The following COBL variants were observed in gnomAD, a reference collection of about 807,000 sequenced individuals.
COBL encodes protein cordon-bleu.
In COBL, 51 loss-of-function variants were observed where a neutral mutation model predicts 98.8. The observed-to-expected ratio is 0.52, with a 90% CI of 0.41 to 0.65. The LOEUF (loss-of-function observed/expected upper bound fraction) is 0.65, where lower values mean the gene tolerates loss of function less well. Among genes scored for constraint, COBL ranks in the 30% least tolerant of loss-of-function variants. The probability of loss-of-function intolerance (pLI) is 0.00; values close to 1 mark genes in which losing one functional copy is unlikely to be tolerated. For missense variants in COBL, 1,617 were observed against 1,617.5 expected (o/e 1.00, Z 0.01); for synonymous variants, 634 against 651.7 (o/e 0.97, Z 0.41).
At chr7:51,059,999 G>A (rs1791165156) in intron 7 of COBL, among the ~76,000 whole-genome samples, 1 of 152,106 alleles carries the variant, frequency 6.6e-6, no homozygotes, top group Non-Finnish European at 1.5e-5. Context: ...ACCCTCCACA[G>A]GCCCTCCCTT....
intron 6 of COBL, among the ~76,000 whole-genome samples, chr7:51,132,715 A>T (rs1279605574): frequency 6.6e-6 from 1 of 152,210 alleles, no homozygotes; most frequent in Non-Finnish European, 1.5e-5. Context: ...CTGTACGGGA[A>T]GCAGATGCCA....
chr7:51,302,282 T>C (rs1802049231), intron 1 of COBL, among the ~76,000 whole-genome samples: 1 of 152,206 alleles, frequency 6.6e-6, no homozygotes, highest in South Asian at 2.1e-4. Context: ...ATTTTTTTCC[T>C]AAAGATTCAC....
chr7:51,237,159 C>G (rs1280258377), intron 1 of COBL, among the ~76,000 whole-genome samples: 4 of 152,210 alleles, frequency 2.6e-5, no homozygotes, highest in Non-Finnish European at 5.9e-5. Flanking sequence ...AATGGTACCC[C>G]TCCCCAGACT....
chr7:51,042,956 T>G (rs1789348439), intron 8 of COBL, among the ~76,000 whole-genome samples: 1 of 152,242 alleles, frequency 6.6e-6, no homozygotes, highest in Non-Finnish European at 1.5e-5. Flanking sequence ...GTCTCTTTCC[T>G]GTCACTTTCC....
At chr7:51,096,219 G>A (rs975202335) in intron 6 of COBL, among the ~76,000 whole-genome samples, 1 of 152,114 alleles carries the variant, frequency 6.6e-6, no homozygotes, top group Non-Finnish European at 1.5e-5. Flanking sequence ...AAAACGAAAA[G>A]TGAAAAAGTC....
intron 7 of COBL, among the ~76,000 whole-genome samples, chr7:51,067,513 G>A (rs113893323): frequency 1.6e-4 from 25 of 152,042 alleles, no homozygotes; most frequent in Non-Finnish European, 2.6e-4. Context: ...ATGCACCATG[G>A]GTGCACATGC....
At position 51,073,271 on chromosome 7, in the gene COBL, A is replaced by C. The variant is rs552652886; in HGVS notation, c.1096+11895T>G. 4.3e-5 allele frequency: 27 copies of C among 623,380 alleles called. No individual in the cohort carries two copies. The East Asian group carries it at 7.3e-4, about 17-fold the overall frequency. The allele number at this position is 623,380 out of a possible 1,614,324, so 38.6% of individuals were successfully genotyped here. ...CCCTTTTATCCTGAAAGGAGGAAGA[A>C]CAACAGGAAAATCAGAGCCAGGGCA... is the stretch of plus-strand genomic sequence containing the variant. On this transcript the variant is annotated intron_variant, in intron 7 of 12. Coordinates refer to ENST00000265136, the MANE Select transcript of COBL (RefSeq NM_015198.5).
At chr7:51,167,020 A>T (rs1452324070) in intron 5 of COBL, among the ~76,000 whole-genome samples, 1 of 152,172 alleles carries the variant, frequency 6.6e-6, no homozygotes, top group African/African-American at 2.4e-5. Flanking sequence ...AAAAACTGAA[A>T]GCCTTTCCCC....
In COBL at chr7:51,186,373, A is replaced by C. The variant is rs146727967; in HGVS notation, c.686-2174T>G. Among the ~76,000 whole-genome samples the C allele has an allele frequency of 3.3e-4, 50 of 152,298 alleles. 1 individual carries two copies. The highest frequency in any genetic ancestry group is 1.6e-4 in the Non-Finnish European group (11 of 68,022). ...TAAAGTTGAAAAATCTTAAGTTGAG[A>C]AATTGTCTATGTTGAAACAGATGAC... On this transcript the variant is annotated intron_variant, in intron 4 of 12. Coordinates refer to ENST00000265136, the MANE Select transcript of COBL (RefSeq NM_015198.5).
At chr7:51,283,763 T>A (rs1481655810) in intron 1 of COBL, among the ~76,000 whole-genome samples, 2 of 152,206 alleles carry the variant, frequency 1.3e-5, no homozygotes, top group East Asian at 3.9e-4. Flanking sequence ...GGGATTATAG[T>A]TGTGAGCCAC....
chr7:51,105,404 T>A (rs1796170022), intron 6 of COBL, among the ~76,000 whole-genome samples: 1 of 152,300 alleles, frequency 6.6e-6, no homozygotes, highest in African/African-American at 2.4e-5. Flanking sequence ...CTTGGTTCCC[T>A]CATTTTAAAT....
At chr7:51,221,464 A>G (rs1417921266) in intron 1 of COBL, among the ~76,000 whole-genome samples, 1 of 152,246 alleles carries the variant, frequency 6.6e-6, no homozygotes, top group Non-Finnish European at 1.5e-5. Flanking sequence ...TCATGCATCA[A>G]TGAAAGACAA....
At position 51,043,438 on chromosome 7, in the gene COBL, C is replaced by A. The variant is rs1388914396; in HGVS notation, c.1351G>T (p.Gly451Cys). ...TCCCACAAGGGGCTCTTCTGGGGACCCAGGTCTGGGGTTCCAGCGAGGTCC... is the reference window on the plus strand; with the variant it reads ...TCCCACAAGGGGCTCTTCTGGGGACACAGGTCTGGGGTTCCAGCGAGGTCC... ...DQDLAGTPDL[G>C]PQKSPLWEKN... Residue 451 changes from glycine to cysteine, a missense_variant, in exon 8 of 13, where the codon GGT (glycine) becomes TGT (cysteine). Gly to Cys is a radical substitution (Grantham distance 159). Around this residue, in one of 3 missense-constraint regions of COBL, gnomAD observed 1,304 missense variants for 1,282.0 expected, o/e 1.02. Transcript: ENST00000265136. 2.5e-6 allele frequency: 4 copies of A among 1,614,232 alleles called. No homozygotes were observed. Among genetic ancestry groups the A allele is most frequent in the Middle Eastern group, 1.6e-4 (1 of 6,062 alleles).
chr7:51,121,563 T>G (rs1372643383), intron 6 of COBL, among the ~76,000 whole-genome samples: 1 of 152,222 alleles, frequency 6.6e-6, no homozygotes, highest in East Asian at 1.9e-4. Flanking sequence ...CAAATGTCTT[T>G]GAAGCTGAAG....
At chr7:51,162,128 A>C (rs1443353760) in intron 5 of COBL, among the ~76,000 whole-genome samples, 1 of 152,250 alleles carries the variant, frequency 6.6e-6, no homozygotes, top group East Asian at 1.9e-4. Context: ...CGTGTCTTGG[A>C]GTCCAGATGT....
At chr7:51,168,080 A>G (rs969693444) in intron 5 of COBL, among the ~76,000 whole-genome samples, 1 of 151,412 alleles carries the variant, frequency 6.6e-6, no homozygotes, top group Non-Finnish European at 1.5e-5. Flanking sequence ...ATCAAGTTTA[A>G]AAGCTTCTAC....
chr7:51,182,501 C>T (rs570844815), intron 5 of COBL, among the ~76,000 whole-genome samples: 3 of 152,104 alleles, frequency 2.0e-5, no homozygotes, highest in African/African-American at 2.4e-5. Context: ...AGGCTGGTCT[C>T]GAACTCCTGA....
chr7:51,144,978 C>T (rs2129015293), intron 5 of COBL, among the ~76,000 whole-genome samples: 1 of 152,312 alleles, frequency 6.6e-6, no homozygotes, highest in East Asian at 1.9e-4. Context: ...CTACTGTGAA[C>T]AGAGCTGCTA....
At chr7:51,124,572 G>C (rs995135761) in intron 6 of COBL, among the ~76,000 whole-genome samples, 4 of 152,178 alleles carry the variant, frequency 2.6e-5, no homozygotes, top group Non-Finnish European at 5.9e-5. Context: ...AATGTTGCTA[G>C]TGGGAACTTC....
Sources: allele counts gnomAD v4.1 joint callset (sites outside exome capture counted in the v4.1 genomes callset), GRCh38; gene constraint gnomAD v4.1.1; regional missense constraint gnomAD v4.1.1; transcripts MANE v1.5; gene names NCBI Gene and HGNC (gene_info 2026-07-23, HGNC 2026-07-21).